The following CHFR variants were observed in gnomAD, a reference collection of about 807,000 sequenced individuals.
The protein encoded by CHFR is checkpoint with forkhead and ring finger domains.
A neutral mutation model predicts 87.6 loss-of-function variants in CHFR; 57 were observed. The observed-to-expected ratio is 0.65, with a 90% CI of 0.53 to 0.81. CHFR has a LOEUF of 0.81. CHFR is among the 30% of genes least tolerant of loss of function. The pLI is 0.00. For missense variants in CHFR, 797 were observed against 865.8 expected, an observed-to-expected ratio of 0.92 and a Z score of 1.00; for synonymous variants, 381 against 359.2, an observed-to-expected ratio of 1.06 and a Z score of -0.69.
chr12:132,863,132 G>GA (rs1951254043), intron 6 of CHFR, among the ~76,000 whole-genome samples: 1 of 142,898 alleles, frequency 7.0e-6, no homozygotes, highest in Non-Finnish European at 1.5e-5. Flanking sequence ...TCCTGACCTC[G>GA]TGATCCACCC....
rs975768269 is a variant in CHFR at position 132,853,417 on chromosome 12, G to A, written c.1372+14C>T. 12 of 1,509,324 alleles carry A rather than the reference G, an allele frequency of 8.0e-6. No homozygotes were observed. The highest frequency in any genetic ancestry group is 8.8e-6 in the Non-Finnish European group (10 of 1,138,046). 93.5% of individuals were successfully genotyped at this position (1,509,324 alleles called of 1,614,324 possible). A position where few individuals can be genotyped will look rare whatever the true frequency, so the allele number is the denominator to read the frequency against. ...CTCACGCGAAGGCTGAGGCCTGAGG[G>A]CGGCGCGGCTCACCTGTCGTCAGGC... On this transcript the variant is annotated intron_variant, in intron 11 of 17. Transcript: ENST00000450056.
At chr12:132,886,219 G>A (rs1393678636) in intron 2 of CHFR, among the ~76,000 whole-genome samples, 5 of 152,106 alleles carry the variant, frequency 3.3e-5, no homozygotes, top group Admixed American at 3.3e-4. Flanking sequence ...GCTGAGGCGG[G>A]AGAATCACTT....
At chr12:132,859,964 G>A (rs1240792290) in intron 7 of CHFR, among the ~76,000 whole-genome samples, 1 of 152,180 alleles carries the variant, frequency 6.6e-6, no homozygotes, top group Admixed American at 6.6e-5. Context: ...AGGACAGTCT[G>A]AGCCCAGGAG....
chr12:132,851,679 G>C lies in CHFR; in HGVS notation c.1431C>G (p.Phe477Leu). 2 of 1,613,448 alleles carry C rather than the reference G, an allele frequency of 1.2e-6. No homozygotes were observed. The highest frequency in any genetic ancestry group is 1.7e-6 in the Non-Finnish European group (2 of 1,179,960). Residue 477 changes from phenylalanine (F) to leucine (L), a missense_variant, in exon 12 of 18, where the codon TTC becomes TTG. This residue lies in a region of CHFR where 200 missense variants were observed against 264.6 expected (regional missense o/e 0.76). Coordinates refer to ENST00000450056, the MANE Select transcript of CHFR (RefSeq NM_001161346.2). ...QGSHALCTCC[F>L]QPMPDRRAER... ...CCGCTCTCCGGTCGGGCATGGGCTG[G>C]AAGCAGCAGGTGCACAGGGCGTGGC...
Position 132,877,660 on chromosome 12 carries a change from A to G in CHFR, c.134-6T>C. The stretch of plus-strand genomic sequence containing the variant: ...GGGGAAGGAAAGGTCGCAACCTAAA[A>G]AAGAGAGGGTGGGTCAACACGGGAT... On this transcript the variant is annotated splice_polypyrimidine_tract_variant and splice_region_variant and intron_variant, in intron 2 of 17. Coordinates refer to ENST00000450056, the MANE Select transcript of CHFR (RefSeq NM_001161346.2). 1 of 1,601,638 alleles carries G rather than the reference A, an allele frequency of 6.2e-7. No individual in the cohort carries two copies. The highest frequency in any genetic ancestry group is 8.5e-7 in the Non-Finnish European group (1 of 1,169,892).
At chr12:132,843,987 A>T in intron 16 of CHFR, 40 bp downstream of exon 16, 1 of 1,343,576 alleles carries the variant, frequency 7.4e-7, no homozygotes, top group Non-Finnish European at 1.1e-6. Context: ...AAGCCAACCC[A>T]GACAGAACTA....
At position 132,851,746 on chromosome 12, in the gene CHFR, C is replaced by T; in HGVS notation, c.1373-9G>A. ...CACGTAATCCTGGACTGCTGAAGCA[C>T]ACGCACATTCAGCCGGAGCACGTGG... On this transcript the variant is annotated splice_polypyrimidine_tract_variant and intron_variant, in intron 11 of 17. Transcript: ENST00000450056. 1.2e-6 allele frequency: 2 copies of T among 1,607,032 alleles called. No homozygotes were observed. Among genetic ancestry groups the T allele is most frequent in the Non-Finnish European group, 1.7e-6 (2 of 1,175,326 alleles).
chr12:132,872,174 C>G lies in CHFR; in HGVS notation c.343+111G>C, dbSNP rs374145324. 2.0e-4 allele frequency: 138 copies of G among 706,272 alleles called. No individual in the cohort carries two copies. The East Asian group carries it at 3.1e-3, about 16-fold the overall frequency. 43.8% of individuals were successfully genotyped at this position (706,272 alleles called of 1,614,324 possible). On this transcript the variant is annotated intron_variant, in intron 4 of 17. Coordinates refer to ENST00000450056, the MANE Select transcript of CHFR (RefSeq NM_001161346.2). ...CATGTGAGCAAGAAATGGGGTGTAG[C>G]CAGGAGGAACGTTCCTATGGGAAGG...
At position 132,844,072 on chromosome 12, in the gene CHFR, G is replaced by A. The variant is rs1439266364; in HGVS notation, c.1798C>T (p.Leu600=). 6.2e-7 allele frequency: 1 copy of A among 1,613,906 alleles called. No homozygotes were observed. The highest frequency in any genetic ancestry group is 8.5e-7 in the Non-Finnish European group (1 of 1,179,842). The stretch of plus-strand genomic sequence containing the variant: ...ATGTTCTGCCGATACTGATAGGTCA[G>A]CTCACGGAAGCTGCGCAGGCCACAG... ...YCCGLRSFRE[L]TYQYRQNIPA... is the part of the protein sequence containing the mutation. Residue 600 remains leucine (L), a synonymous_variant, in exon 16 of 18, where the codon CTG becomes TTG. Coordinates refer to ENST00000450056, the MANE Select transcript of CHFR (RefSeq NM_001161346.2).
intron 2 of CHFR, among the ~76,000 whole-genome samples, chr12:132,880,429 G>GAT (rs1951740504): frequency 1.3e-5 from 2 of 151,976 alleles, no homozygotes; most frequent in Non-Finnish European, 2.9e-5. Flanking sequence ...GGCCAAGGGG[G>GAT]GGGCGGATCA....
chr12:132,875,538 G>A (rs1031003507), intron 3 of CHFR, among the ~76,000 whole-genome samples: 1 of 151,904 alleles, frequency 6.6e-6, no homozygotes, highest in Admixed American at 6.6e-5. Context: ...CAGGAGAATC[G>A]CTTGAACCCG....
intron 10 of CHFR, among the ~76,000 whole-genome samples, chr12:132,855,439 G>A (rs572333214): frequency 3.9e-4 from 60 of 151,926 alleles, no homozygotes; most frequent in Admixed American, 2.0e-3. Flanking sequence ...GGTCGAGGCC[G>A]GCGGATCACG....
intron 3 of CHFR, among the ~76,000 whole-genome samples, chr12:132,874,074 G>T (rs1219246489): frequency 1.3e-5 from 2 of 152,212 alleles, no homozygotes; most frequent in Non-Finnish European, 2.9e-5. Context: ...AAAAGGCAGA[G>T]AACAAATTCT....
At chr12:132,887,502 T>TC (rs1951929960) in intron 1 of CHFR, 45 bp downstream of exon 1, 3 of 251,870 alleles carry the variant, frequency 1.2e-5, no homozygotes, top group African/African-American at 2.4e-5. Flanking sequence ...CGCAACCAGG[T>TC]CCCCCTTCGC....
intron 10 of CHFR, chr12:132,853,904 G>C (rs563140611): frequency 6.4e-6 from 2 of 314,228 alleles, no homozygotes; most frequent in South Asian, 9.0e-5. Flanking sequence ...CGCACGCCCC[G>C]TGCTCCTCAG....
intron 2 of CHFR, among the ~76,000 whole-genome samples, chr12:132,881,769 G>A (rs369917506): frequency 9.9e-5 from 15 of 151,692 alleles, no homozygotes; most frequent in African/African-American, 3.4e-4. Flanking sequence ...TCAGGAGGCT[G>A]AGGCAAGAGA....
At position 132,834,106 on chromosome 12, in the gene CHFR, G is replaced by A. The variant is rs1950631447; in HGVS notation, c.*7448C>T. 1.1e-4 allele frequency: 17 copies of A among 152,356 alleles called. No individual in the cohort carries two copies. Among genetic ancestry groups the A allele is most frequent in the Admixed American group, 1.0e-3 (16 of 15,274 alleles). 9.4% of individuals were successfully genotyped at this position (152,356 alleles called of 1,614,324 possible). A position where few individuals can be genotyped will look rare whatever the true frequency, so the allele number is the denominator to read the frequency against. On this transcript the variant is annotated 3_prime_UTR_variant, in exon 18 of 18. Coordinates refer to ENST00000450056, the MANE Select transcript of CHFR (RefSeq NM_001161346.2). ...GGGGTTGGGCCTGAGCTACAGGGAG[G>A]CCATGCCATCTTCTGACAGTGGAGA...
In CHFR at chr12:132,837,139, A is replaced by G; in HGVS notation, c.*4415T>C. 1 of 284,112 alleles carries G rather than the reference A, an allele frequency of 3.5e-6. No homozygotes were observed. The highest frequency in any genetic ancestry group is 6.9e-6 in the Non-Finnish European group (1 of 145,558). The allele number at this position is 284,112 out of a possible 1,614,324, so 17.6% of individuals were successfully genotyped here. ...AGGAACACCTGAGGGGCTCCAGGAGAAGCAGGTAGGGAGAAGAGGTTTTCT... is the reference window on the plus strand; with the variant it reads ...AGGAACACCTGAGGGGCTCCAGGAGGAGCAGGTAGGGAGAAGAGGTTTTCT... On this transcript the variant is annotated 3_prime_UTR_variant, in exon 18 of 18. Coordinates refer to ENST00000450056, the MANE Select transcript of CHFR (RefSeq NM_001161346.2).
chr12:132,872,826 G>T (rs144830406), intron 3 of CHFR, among the ~76,000 whole-genome samples: 7 of 152,214 alleles, frequency 4.6e-5, no homozygotes, highest in Non-Finnish European at 4.4e-5. Context: ...CCTCCCAAGA[G>T]ACTGGCTCTG....
Sources: gnomAD v4.1 joint callset for allele counts (sites outside exome capture counted in the v4.1 genomes callset) on GRCh38, gnomAD v4.1.1 for gene constraint, gnomAD v4.1.1 regional missense constraint, MANE v1.5 for transcripts, NCBI Gene and HGNC (gene_info 2026-07-23, HGNC 2026-07-21) for gene names.